Variants in MTREX observed in about 807,000 individuals in gnomAD.
The protein encoded by MTREX is Mtr4 exosome RNA helicase.
A neutral mutation model predicts 135.4 loss-of-function variants in MTREX; 76 were observed. The ratio of observed to expected loss-of-function variants is 0.56; its 90% CI spans 0.47 to 0.68. The LOEUF is 0.68. Among genes scored for constraint, MTREX ranks in the 30% least tolerant of loss-of-function variants. MTREX has a pLI of 0.00. For missense variants in MTREX, 920 were observed against 1,262.1 expected, an observed-to-expected ratio of 0.73 and a Z score of 4.11; for synonymous variants, 404 against 401.6, an observed-to-expected ratio of 1.01 and a Z score of -0.07.
chr5:55,378,532 A>G (rs756776856), intron 17 of MTREX, 46 bp downstream of exon 17: 1 of 1,535,750 alleles, frequency 6.5e-7, no homozygotes. Flanking sequence ...TTCAATATTT[A>G]AACATATTTT....
At chr5:55,413,577 C>T (rs1750919260) in intron 23 of MTREX, among the ~76,000 whole-genome samples, 1 of 152,112 alleles carries the variant, frequency 6.6e-6, no homozygotes, top group African/African-American at 2.4e-5. Flanking sequence ...AATTTGGCTA[C>T]TTAGTGTACA....
At position 55,350,934 on chromosome 5, in the gene MTREX, C is replaced by T. The variant is rs1489612630; in HGVS notation, c.1336C>T (p.Pro446Ser). 6.2e-7 allele frequency: 1 copy of T among 1,601,068 alleles called. No individual in the cohort carries two copies. Among genetic ancestry groups the T allele is most frequent in the East Asian group, 2.3e-5 (1 of 44,256 alleles). Residue 446 changes from proline to serine, a missense_variant, in exon 13 of 27, where the codon CCT (proline) becomes TCT (serine). Around this residue, in one of 6 missense-constraint regions of MTREX, gnomAD observed 101 missense variants for 119.1 expected, o/e 0.85. Transcript: ENST00000230640. ...AAAATCACAGGTAGAACATGTACTT[C>T]CTCTTTTGAAGAGGGGAATTGGTAT... ...KKLPQVEHVL[P>S]LLKRGIGIHH...
chr5:55,423,987 T>TGTATTTGTCCTTCCTTGGC (rs1162048304), intron 26 of MTREX: 8 of 152,276 alleles, frequency 5.3e-5, no homozygotes, highest in Non-Finnish European at 1.5e-5. Flanking sequence ...AATCAAAATT[T>TGTATTTGTCCTTCCTTGGC]GTATTTGTCC....
chr5:55,393,478 AT>A (rs1750601296), intron 19 of MTREX, among the ~76,000 whole-genome samples: 1 of 152,228 alleles, frequency 6.6e-6, no homozygotes, highest in South Asian at 2.1e-4. Context: ...TGAATGAAAA[AT>A]TCAAAAACCA....
At chr5:55,422,010 AATAAC>A (rs1751062566) in intron 25 of MTREX, among the ~76,000 whole-genome samples, 1 of 152,198 alleles carries the variant, frequency 6.6e-6, no homozygotes, top group Admixed American at 6.5e-5. Flanking sequence ...TGAGAATAGA[AATAAC>A]AAATAATTAT....
chr5:55,401,908 C>G (rs1279487108), intron 21 of MTREX, among the ~76,000 whole-genome samples: 2 of 152,074 alleles, frequency 1.3e-5, no homozygotes, highest in Non-Finnish European at 2.9e-5. Flanking sequence ...TGTACTTTTT[C>G]AACTTTTATC....
At position 55,322,405 on chromosome 5, in the gene MTREX, A is replaced by G. The variant is rs143176338; in HGVS notation, c.213A>G (p.Thr71=). The change falls in exon 2 of 27, where the codon ACA becomes ACG. Residue 71 remains threonine (T), a synonymous_variant. Coordinates refer to ENST00000230640, the MANE Select transcript of MTREX (RefSeq NM_015360.5). ...AGAGAGATGTAGATTTCGAAGGTAC[A>G]GATGAACCCATTTTTGGAAAGAAGC... is the stretch of plus-strand genomic sequence containing the variant. ...KNKRDVDFEG[T]DEPIFGKKPR... is the part of the protein sequence containing the mutation. The G allele has an allele frequency of 6.2e-7, 1 of 1,609,984 alleles. No individual in the cohort carries two copies. The highest frequency in any genetic ancestry group is 8.5e-7 in the Non-Finnish European group (1 of 1,177,986).
At chr5:55,357,700 G>A (rs1482253931) in intron 14 of MTREX, among the ~76,000 whole-genome samples, 2 of 152,188 alleles carry the variant, frequency 1.3e-5, no homozygotes, top group Non-Finnish European at 2.9e-5. Context: ...ACCTATAGTG[G>A]TTTTTAACTC....
intron 1 of MTREX, among the ~76,000 whole-genome samples, chr5:55,313,961 A>G (rs1349933598): frequency 6.6e-6 from 1 of 151,732 alleles, no homozygotes; most frequent in Non-Finnish European, 1.5e-5. Context: ...CCAAGAGATC[A>G]TCGTATATCA....
intron 14 of MTREX, 108 bp from the exon 15 acceptor site, chr5:55,358,465 T>G: frequency 1.0e-6 from 1 of 962,834 alleles, no homozygotes. Context: ...CATGTTTCCT[T>G]TCTTAGGGTT....
At chr5:55,397,296 T>C in intron 19 of MTREX, 120 bp from the exon 20 acceptor site, 1 of 490,162 alleles carries the variant, frequency 2.0e-6, no homozygotes, top group East Asian at 3.1e-5. Context: ...TATTATGTAC[T>C]TCTTATACCT....
chr5:55,337,126 CT>C (rs1749566635), intron 5 of MTREX, among the ~76,000 whole-genome samples: 1 of 151,806 alleles, frequency 6.6e-6, no homozygotes, highest in Admixed American at 6.6e-5. Flanking sequence ...CTAGAAATTT[CT>C]TTTTTTCTTT....
At chr5:55,409,813 T>A (rs1374687196) in intron 22 of MTREX, among the ~76,000 whole-genome samples, 1 of 152,214 alleles carries the variant, frequency 6.6e-6, no homozygotes, top group Non-Finnish European at 1.5e-5. Flanking sequence ...AGATGGATAT[T>A]TTTCAGATTT....
chr5:55,366,829 C>G lies in MTREX; in HGVS notation c.1764C>G (p.Ser588=), dbSNP rs1231267945. ...EINPEYMLEK[S]FYQFQHYRAI... ...ATCCTGAGTACATGTTGGAAAAATCCTTCTACCAGTTTCAGCATTATAGAG... is the reference window on the plus strand; with the variant it reads ...ATCCTGAGTACATGTTGGAAAAATCGTTCTACCAGTTTCAGCATTATAGAG... Residue 588 remains serine, a synonymous_variant, in exon 16 of 27, where the codon TCC becomes TCG. Transcript: ENST00000230640. 1 of 1,609,480 alleles carries G rather than the reference C, an allele frequency of 6.2e-7. No individual in the cohort carries two copies. The highest frequency in any genetic ancestry group is 1.1e-5 in the South Asian group (1 of 89,758).
chr5:55,345,248 G>A, intron 10 of MTREX, 52 bp downstream of exon 10: 1 of 1,138,420 alleles, frequency 8.8e-7, no homozygotes, highest in Non-Finnish European at 1.3e-6. Context: ...TGTATATTCA[G>A]ATTACTCTGA....
Position 55,367,283 on chromosome 5 carries a change from G to A in MTREX, c.1810+408G>A, listed in dbSNP as rs772466147. On this transcript the variant is annotated intron_variant, in intron 16 of 26. Transcript: ENST00000230640. ...GGGTGGATCACGAGGTCAAGAGATC[G>A]AGACCATCCTGGCAAACATGGTGAA... Among the ~76,000 whole-genome samples the A allele has an allele frequency of 4.6e-5, 7 of 152,052 alleles. No individual in the cohort carries two copies. The South Asian group carries it at 8.3e-4, about 18-fold the overall frequency.
At chr5:55,410,722 TA>T in intron 23 of MTREX, 93 bp downstream of exon 23, 13 of 620,442 alleles carry the variant, frequency 2.1e-5, no homozygotes, top group Non-Finnish European at 3.2e-5. Flanking sequence ...TACTAATATT[TA>T]CATATTATAA....
intron 25 of MTREX, among the ~76,000 whole-genome samples, chr5:55,422,159 T>TA (rs1237975376): frequency 1.3e-5 from 2 of 152,194 alleles, no homozygotes; most frequent in East Asian, 3.8e-4. Flanking sequence ...AGGTAGCACT[T>TA]AGAGAAAGGA....
chr5:55,378,256 G>A (rs2112098855), intron 16 of MTREX, 58 bp from the exon 17 acceptor site: 5 of 1,487,812 alleles, frequency 3.4e-6, no homozygotes, highest in African/African-American at 1.4e-5. Flanking sequence ...CTATGTCTTG[G>A]GTATAATTTA....
Sources: gnomAD v4.1 joint callset for allele counts (sites outside exome capture counted in the v4.1 genomes callset) on GRCh38, gnomAD v4.1.1 for gene constraint, gnomAD v4.1.1 regional missense constraint, MANE v1.5 for transcripts, NCBI Gene and HGNC (gene_info 2026-07-23, HGNC 2026-07-21) for gene names.